The following PANK1 variants were observed in gnomAD, a reference collection of about 807,000 sequenced individuals.
The protein encoded by PANK1 is pantothenic acid kinase 1.
A neutral mutation model predicts 40.1 loss-of-function variants in PANK1; 18 were observed. That is an observed-to-expected ratio of 0.45 (90% CI 0.31 to 0.67). PANK1 has a LOEUF of 0.67. Ranked by LOEUF, PANK1 falls within the 30% of genes least tolerant of loss-of-function variation. The pLI is 0.06. For synonymous variants in PANK1, 242 were observed against 237.7 expected, an observed-to-expected ratio of 1.02 and a Z score of -0.17; for missense variants, 457 against 599.6, an observed-to-expected ratio of 0.76 and a Z score of 2.48.
intron 1 of PANK1, among the ~76,000 whole-genome samples, chr10:89,636,996 G>A (rs1397394689): frequency 6.6e-6 from 1 of 150,680 alleles, no homozygotes; most frequent in East Asian, 2.0e-4. Context: ...CGAGTACCTG[G>A]GACTACAGGC....
chr10:89,601,309 TAAAAAAA>T (rs11317815), intron 2 of PANK1, among the ~76,000 whole-genome samples: 1 of 52,676 alleles, frequency 1.9e-5, no homozygotes, highest in Non-Finnish European at 3.3e-5. Flanking sequence ...ACCCATCTCT[TAAAAAAA>T]AAAAAAAAAA....
chr10:89,625,769 A>G (rs537232947), intron 1 of PANK1: 1 of 152,344 alleles, frequency 6.6e-6, no homozygotes, highest in South Asian at 2.1e-4. Context: ...TTGCAGGGGC[A>G]AAGGAAGCCA....
At chr10:89,595,833 A>AATATATATATATATAT (rs369831755) in intron 3 of PANK1, among the ~76,000 whole-genome samples, 5 of 33,776 alleles carry the variant, frequency 1.5e-4, no homozygotes, top group Non-Finnish European at 2.4e-4. Context: ...AAAAAAAAAA[A>AATATATATATATATAT]ATATATATAT....
intron 2 of PANK1, among the ~76,000 whole-genome samples, chr10:89,602,352 T>C (rs1010247211): frequency 1.3e-5 from 2 of 152,192 alleles, no homozygotes; most frequent in African/African-American, 2.4e-5. Context: ...CACTGAGGGG[T>C]GGATATCTCT....
At chr10:89,639,701 G>C (rs919172002) in intron 1 of PANK1, among the ~76,000 whole-genome samples, 11 of 152,152 alleles carry the variant, frequency 7.2e-5, no homozygotes, top group African/African-American at 2.4e-4. Context: ...CTAGGGCCCT[G>C]CCCAGCAAAG....
chr10:89,584,240 C>T lies in PANK1; in HGVS notation c.*166G>A, dbSNP rs1844123285. The T allele has an allele frequency of 3.4e-6, 2 of 582,888 alleles. No individual in the cohort carries two copies. The highest frequency in any genetic ancestry group is 1.8e-5 in the African/African-American group (1 of 54,496). The allele number at this position is 582,888 out of a possible 1,614,324, so 36.1% of individuals were successfully genotyped here. ...CCCGTTTTGAATCATTAGCTCAAAA[C>T]CTAAGAGTAAAAGATCATCTGGAAG... On this transcript the variant is annotated 3_prime_UTR_variant, in exon 7 of 7. Coordinates refer to ENST00000307534, the MANE Select transcript of PANK1 (RefSeq NM_148977.3).
Position 89,644,958 on chromosome 10 carries a change from C to T in PANK1, c.-67G>A, listed in dbSNP as rs369485815. The T allele has an allele frequency of 1.3e-4, 198 of 1,572,518 alleles. No individual in the cohort carries two copies. In the African/African-American group the frequency reaches 2.5e-3, roughly 20 times the overall value. On this transcript the variant is annotated 5_prime_UTR_variant, in exon 1 of 7. Coordinates refer to ENST00000307534, the MANE Select transcript of PANK1 (RefSeq NM_148977.3). Reference sequence around the variant, plus strand: ...GGCCTCGCTGGAGGTCATTCTCCGGCGTCTTTATTTCCCCGGATCCTCCCT... The same window carrying T: ...GGCCTCGCTGGAGGTCATTCTCCGGTGTCTTTATTTCCCCGGATCCTCCCT...
At chr10:89,644,454 C>A in intron 1 of PANK1, 146 bp downstream of exon 1, 1 of 659,202 alleles carries the variant, frequency 1.5e-6, no homozygotes, top group South Asian at 2.0e-5. Flanking sequence ...AAGAATCAGT[C>A]CCGGGAACCT....
At chr10:89,604,672 C>T (rs945078564) in intron 2 of PANK1, among the ~76,000 whole-genome samples, 2 of 130,608 alleles carry the variant, frequency 1.5e-5, no homozygotes, top group African/African-American at 5.9e-5. Context: ...CCAGCCTGGG[C>T]ACAGACTGAA....
At chr10:89,643,512 A>C (rs1314171636) in intron 1 of PANK1, among the ~76,000 whole-genome samples, 1 of 152,250 alleles carries the variant, frequency 6.6e-6, no homozygotes, top group African/African-American at 2.4e-5. Context: ...CCAAGGTCTT[A>C]GAAACCTTAA....
chr10:89,629,963 A>G (rs1350212941), intron 1 of PANK1, among the ~76,000 whole-genome samples: 1 of 152,242 alleles, frequency 6.6e-6, no homozygotes, highest in Admixed American at 6.5e-5. Flanking sequence ...AATCAAACAA[A>G]AAACATCCAA....
intron 1 of PANK1, among the ~76,000 whole-genome samples, chr10:89,612,893 T>C (rs1315139553): frequency 6.6e-6 from 1 of 152,218 alleles, no homozygotes; most frequent in African/African-American, 2.4e-5. Context: ...AAAAGTTCCC[T>C]AGTGGTTGCA....
intron 2 of PANK1, 151 bp downstream of exon 2, chr10:89,611,545 T>C (rs1845152473): frequency 3.3e-6 from 2 of 606,472 alleles, no homozygotes; most frequent in Non-Finnish European, 5.8e-6. Context: ...GCTGTTTTTA[T>C]TCTTGTATAG....
At chr10:89,623,525 A>AT (rs34318773) in intron 1 of PANK1, among the ~76,000 whole-genome samples, 142 of 147,586 alleles carry the variant, frequency 9.6e-4, no homozygotes, top group Admixed American at 1.1e-3. Flanking sequence ...GCCTGGCCCA[A>AT]TTTTTTTTTT....
intron 2 of PANK1, among the ~76,000 whole-genome samples, chr10:89,606,249 G>A (rs1844962548): frequency 6.6e-6 from 1 of 152,148 alleles, no homozygotes. Flanking sequence ...GAGTTACCCT[G>A]TCCCTTGAAG....
intron 3 of PANK1, among the ~76,000 whole-genome samples, chr10:89,598,260 T>C (rs1844669943): frequency 6.6e-6 from 1 of 152,208 alleles, no homozygotes; most frequent in Non-Finnish European, 1.5e-5. Flanking sequence ...GCAAAAGCAA[T>C]GTTCTCCTCC....
At chr10:89,600,574 T>C (rs74146984) in intron 2 of PANK1, among the ~76,000 whole-genome samples, 8,534 of 152,320 alleles carry the variant, frequency 0.056, 295 homozygotes, top group South Asian at 0.13. Context: ...CAAAAAATGT[T>C]GGCTCTTTTA....
intron 1 of PANK1, among the ~76,000 whole-genome samples, chr10:89,619,000 C>T (rs996017289): frequency 6.6e-6 from 1 of 152,150 alleles, no homozygotes; most frequent in Non-Finnish European, 1.5e-5. Flanking sequence ...CAAAATCCTT[C>T]GCGGTTTTTA....
chr10:89,621,089 G>T (rs1291985650), intron 1 of PANK1, among the ~76,000 whole-genome samples: 1 of 152,148 alleles, frequency 6.6e-6, no homozygotes, highest in South Asian at 2.1e-4. Flanking sequence ...ATCATCTGAG[G>T]TCAGAAGTTC....
Sources: gnomAD v4.1 joint callset for allele counts (sites outside exome capture counted in the v4.1 genomes callset) on GRCh38, gnomAD v4.1.1 for gene constraint, MANE v1.5 for transcripts, NCBI Gene and HGNC (gene_info 2026-07-23, HGNC 2026-07-21) for gene names.